RIMS2: variants seen among roughly 807,000 people sequenced by gnomAD.
RIMS2 encodes regulating synaptic membrane exocytosis protein 2.
A neutral mutation model predicts 174.4 loss-of-function variants in RIMS2; 59 were observed. The ratio of observed to expected loss-of-function variants is 0.34; its 90% CI spans 0.27 to 0.42. RIMS2 has a LOEUF of 0.42. Among genes scored for constraint, RIMS2 ranks in the 10% least tolerant of loss-of-function variants. The pLI is 1.00. For missense variants in RIMS2, 1,620 were observed against 1,666.3 expected (o/e 0.97, Z 0.48); for synonymous variants, 606 against 572.5 (o/e 1.06, Z -0.84).
chr8:103,633,193 T>A (rs1423279715), intron 1 of RIMS2, among the ~76,000 whole-genome samples: 2 of 10,116 alleles, frequency 2.0e-4, no homozygotes, highest in African/African-American at 7.1e-4. Flanking sequence ...CGCCCGGCTA[T>A]TTTTTTTTTT....
At chr8:103,747,321 A>G (rs1356614913) in intron 2 of RIMS2, among the ~76,000 whole-genome samples, 1 of 148,006 alleles carries the variant, frequency 6.8e-6, no homozygotes, top group East Asian at 2.0e-4. Context: ...GAGAAGCAAA[A>G]AATGGTAAGA....
At chr8:103,975,482 C>T (rs767783158) in exon 16 of RIMS2, 1 of 1,613,160 alleles carries the variant, frequency 6.2e-7, no homozygotes, top group Non-Finnish European at 8.5e-7. Context: ...AGATCATGGT[C>T]ACCCAGTGTC....
chr8:103,797,513 G>A (rs745386809), intron 3 of RIMS2, among the ~76,000 whole-genome samples: 21 of 152,124 alleles, frequency 1.4e-4, no homozygotes, highest in Non-Finnish European at 2.6e-4. Context: ...CAATTATCCT[G>A]TGTTTACAAA....
intron 2 of RIMS2, among the ~76,000 whole-genome samples, chr8:103,709,671 CT>C (rs920448132): frequency 4.6e-5 from 7 of 151,462 alleles, no homozygotes; most frequent in Non-Finnish European, 7.4e-5. Context: ...TTTAGATATT[CT>C]TTTTTTTTCT....
At chr8:103,932,780 G>A (rs982370403) in intron 12 of RIMS2, among the ~76,000 whole-genome samples, 1 of 152,112 alleles carries the variant, frequency 6.6e-6, no homozygotes, top group South Asian at 2.1e-4. Context: ...AGCTCTTCTA[G>A]GCTGGGTGCA....
intron 2 of RIMS2, among the ~76,000 whole-genome samples, chr8:103,719,163 A>G (rs2554733): frequency 0.78 from 118,695 of 152,142 alleles, 46,631 homozygotes; most frequent in East Asian, 0.88. Flanking sequence ...GTAATGTTTT[A>G]ACTTGACCAG....
intron 3 of RIMS2, among the ~76,000 whole-genome samples, chr8:103,824,646 A>G (rs1216079315): frequency 6.6e-6 from 1 of 152,170 alleles, no homozygotes; most frequent in Admixed American, 6.5e-5. Context: ...GTCTAACTCA[A>G]TATGCAAAGC....
intron 19 of RIMS2, among the ~76,000 whole-genome samples, chr8:104,084,391 TC>T (rs1439285637): frequency 7.5e-6 from 1 of 133,750 alleles, no homozygotes; most frequent in African/African-American, 2.9e-5. Context: ...TGAGTCGAGA[TC>T]GCGCCACTGC....
chr8:104,103,454 A>G (rs2097951019), intron 19 of RIMS2, among the ~76,000 whole-genome samples: 1 of 152,150 alleles, frequency 6.6e-6, no homozygotes, highest in African/African-American at 2.4e-5. Context: ...TCTATAGTCT[A>G]TGTTGCTTCT....
chr8:103,832,378 A>G (rs1564816687), intron 3 of RIMS2, among the ~76,000 whole-genome samples: 3 of 151,864 alleles, frequency 2.0e-5, no homozygotes, highest in Non-Finnish European at 2.9e-5. Context: ...GTGGAACTCA[A>G]TTTTTTTTAA....
At chr8:103,595,108 A>G (rs1196474842) in intron 1 of RIMS2, among the ~76,000 whole-genome samples, 1 of 151,836 alleles carries the variant, frequency 6.6e-6, no homozygotes, top group Non-Finnish European at 1.5e-5. Flanking sequence ...TAAAATTATA[A>G]AAGTCTGATA....
rs1237282328 is a variant in RIMS2, at chr8:104,247,175, G to A, written c.3477-1526G>A. 7.2e-5 allele frequency among the ~76,000 whole-genome samples: 11 copies of A among 152,120 alleles called. No individual in the cohort carries two copies. In the South Asian group the frequency reaches 2.3e-3, roughly 31 times the overall value. Reference sequence around the variant, plus strand: ...AGATTTATTGATGCATTTGATGTGGGTAATGAGAGAAAAGAGAGTATATTT... The same window carrying A: ...AGATTTATTGATGCATTTGATGTGGATAATGAGAGAAAAGAGAGTATATTT... On this transcript the variant is annotated intron_variant, in intron 20 of 23. Transcript: ENST00000504942.
At chr8:103,582,111 G>T (rs537915102) in intron 1 of RIMS2, among the ~76,000 whole-genome samples, 105 of 152,128 alleles carry the variant, frequency 6.9e-4, no homozygotes, top group Middle Eastern at 3.4e-3. Context: ...GCAGGATAGG[G>T]CACTAGTCAG....
At chr8:103,581,910 A>G (rs2093640953) in intron 1 of RIMS2, among the ~76,000 whole-genome samples, 1 of 152,172 alleles carries the variant, frequency 6.6e-6, no homozygotes, top group Non-Finnish European at 1.5e-5. Flanking sequence ...GAGACAGTGA[A>G]TTGGGGGAGG....
intron 1 of RIMS2, among the ~76,000 whole-genome samples, chr8:103,578,784 C>T (rs1362159458): frequency 6.6e-6 from 1 of 151,862 alleles, no homozygotes; most frequent in Non-Finnish European, 1.5e-5. Context: ...GGCTTATCAC[C>T]TGAGGTCAGG....
At chr8:103,901,987 T>A (rs945034320) in intron 4 of RIMS2, among the ~76,000 whole-genome samples, 5 of 152,182 alleles carry the variant, frequency 3.3e-5, no homozygotes, top group Admixed American at 1.3e-4. Flanking sequence ...TCTCACAGTT[T>A]CTGTTGGTTA....
intron 1 of RIMS2, among the ~76,000 whole-genome samples, chr8:103,546,399 A>C (rs560178570): frequency 1.3e-5 from 2 of 152,282 alleles, no homozygotes; most frequent in South Asian, 4.1e-4. Flanking sequence ...TTAGAGACCT[A>C]TGAGGAGCCT....
At chr8:104,158,094 G>C (rs2098736094) in intron 19 of RIMS2, among the ~76,000 whole-genome samples, 1 of 152,000 alleles carries the variant, frequency 6.6e-6, no homozygotes, top group African/African-American at 2.4e-5. Context: ...TCCCCTCCTT[G>C]TATCCATATG....
intron 19 of RIMS2, among the ~76,000 whole-genome samples, chr8:104,038,429 G>A (rs898130480): frequency 1.8e-4 from 28 of 151,824 alleles, no homozygotes; most frequent in African/African-American, 6.8e-4. Context: ...GTCTTAACTG[G>A]TTATTGATTA....
Sources: gnomAD v4.1 joint callset for allele counts (sites outside exome capture counted in the v4.1 genomes callset) on GRCh38, gnomAD v4.1.1 for gene constraint, MANE v1.5 for transcripts, NCBI Gene and HGNC (gene_info 2026-07-23, HGNC 2026-07-21) for gene names.